Variants in SMG6 observed in about 807,000 individuals in gnomAD.
SMG6 encodes the protein SMG6 nonsense mediated mRNA decay factor, also known as telomerase-binding protein EST1A.
In SMG6, 66 loss-of-function variants were observed where a neutral mutation model predicts 142.2. That is an observed-to-expected ratio of 0.46 (90% CI 0.38 to 0.57). The LOEUF is 0.57. SMG6 is among the 20% of genes least tolerant of loss of function. The probability of loss-of-function intolerance (pLI) is 0.00; values close to 1 mark genes in which losing one functional copy is unlikely to be tolerated. For synonymous variants in SMG6, 779 were observed against 702.4 expected (o/e 1.11, Z -1.72); for missense variants, 1,793 against 1,832.0 (o/e 0.98, Z 0.39).
chr17:2,121,974 T>C (rs1467174011), intron 13 of SMG6, among the ~76,000 whole-genome samples: 1 of 152,086 alleles, frequency 6.6e-6, no homozygotes, highest in East Asian at 1.9e-4. Flanking sequence ...GCTGGGATTA[T>C]AGGTGCCCGT....
chr17:2,205,155 G>A (rs930972050), intron 10 of SMG6, among the ~76,000 whole-genome samples: 3 of 151,844 alleles, frequency 2.0e-5, no homozygotes, highest in Admixed American at 6.6e-5. Flanking sequence ...TGCAACCTCC[G>A]CGTCCCAGGA....
At chr17:2,268,715 T>G (rs1262551475) in intron 8 of SMG6, among the ~76,000 whole-genome samples, 1 of 151,450 alleles carries the variant, frequency 6.6e-6, no homozygotes, top group Non-Finnish European at 1.5e-5. Flanking sequence ...ATCGAGACCA[T>G]CCTGGCTAAT....
At chr17:2,244,219 C>T (rs1364608925) in intron 9 of SMG6, among the ~76,000 whole-genome samples, 1 of 152,054 alleles carries the variant, frequency 6.6e-6, no homozygotes, top group Non-Finnish European at 1.5e-5. Context: ...GGATATGGGT[C>T]AAAAGGATAT....
chr17:2,280,506 G>A (rs1413844418), intron 8 of SMG6: 2 of 686,418 alleles, frequency 2.9e-6, no homozygotes, highest in African/African-American at 3.9e-5. Flanking sequence ...CTTGTGATCT[G>A]CTCGCCTCGG....
intron 15 of SMG6, among the ~76,000 whole-genome samples, chr17:2,074,336 G>C (rs1157613921): frequency 2.0e-5 from 3 of 152,106 alleles, no homozygotes; most frequent in Non-Finnish European, 4.4e-5. Flanking sequence ...AGGAACAGTG[G>C]GTGAGATAAG....
At chr17:2,164,572 C>A (rs1317552717) in intron 13 of SMG6, among the ~76,000 whole-genome samples, 1 of 152,050 alleles carries the variant, frequency 6.6e-6, no homozygotes, top group Non-Finnish European at 1.5e-5. Context: ...CGCGCCACTG[C>A]ACTCCAGCCT....
chr17:2,181,979 A>G (rs995053462), intron 12 of SMG6, among the ~76,000 whole-genome samples: 1 of 152,172 alleles, frequency 6.6e-6, no homozygotes, highest in Non-Finnish European at 1.5e-5. Flanking sequence ...GGCCCGGGAT[A>G]TGGGTAAACA....
intron 13 of SMG6, chr17:2,127,290 G>T: frequency 2.5e-6 from 1 of 405,480 alleles, no homozygotes; most frequent in Admixed American, 3.8e-5. Flanking sequence ...CGTTTGGAAT[G>T]ATGAAGAGTT....
At chr17:2,129,522 G>A (rs1400750204) in intron 13 of SMG6, among the ~76,000 whole-genome samples, 1 of 152,044 alleles carries the variant, frequency 6.6e-6, no homozygotes, top group Admixed American at 6.6e-5. Context: ...GGCCAGGCAT[G>A]GTTGGTCACA....
intron 8 of SMG6, among the ~76,000 whole-genome samples, chr17:2,257,635 CT>C (rs1156489239): frequency 5.3e-5 from 8 of 152,050 alleles, no homozygotes; most frequent in Admixed American, 5.2e-4. Flanking sequence ...CCACTACCTC[CT>C]TCTGCTCCTT....
intron 3 of SMG6, 119 bp downstream of exon 3, chr17:2,297,739 CAAGAA>C (rs2075174715): frequency 9.2e-7 from 1 of 1,084,640 alleles, no homozygotes; most frequent in Non-Finnish European, 1.3e-6. Context: ...GCTCAGAACC[CAAGAA>C]AAGGGCAGTT....
At chr17:2,191,124 T>A (rs1434894602) in intron 10 of SMG6, among the ~76,000 whole-genome samples, 1 of 152,210 alleles carries the variant, frequency 6.6e-6, no homozygotes, top group African/African-American at 2.4e-5. Flanking sequence ...CCGTAGGACC[T>A]TTCAATAGGG....
intron 10 of SMG6, among the ~76,000 whole-genome samples, chr17:2,189,068 CAAAT>C (rs1157554514): frequency 4.6e-5 from 7 of 152,214 alleles, no homozygotes; most frequent in African/African-American, 1.7e-4. Context: ...ACACATGACA[CAAAT>C]AACCTACTTT....
chr17:2,272,904 TG>T (rs1170791052), intron 8 of SMG6, among the ~76,000 whole-genome samples: 1 of 151,364 alleles, frequency 6.6e-6, no homozygotes, highest in African/African-American at 2.4e-5. Context: ...CACTCCAGCA[TG>T]GGGGACAGAG....
intron 6 of SMG6, among the ~76,000 whole-genome samples, chr17:2,289,773 G>A (rs115969967): frequency 0.01 from 1,531 of 151,636 alleles, 29 homozygotes; most frequent in African/African-American, 0.034. Context: ...ATTAGCAGGG[G>A]CTGGTGGTGT....
chr17:2,226,625 G>C (rs1236676869), intron 10 of SMG6, among the ~76,000 whole-genome samples: 1 of 151,074 alleles, frequency 6.6e-6, no homozygotes, highest in East Asian at 2.0e-4. Flanking sequence ...AAGTGGGGCT[G>C]GGCTCACACC....
intron 12 of SMG6, among the ~76,000 whole-genome samples, chr17:2,180,055 T>G (rs1328489696): frequency 6.6e-6 from 1 of 152,226 alleles, no homozygotes; most frequent in Non-Finnish European, 1.5e-5. Flanking sequence ...GCTGTCCCAC[T>G]GCCCTAGCCT....
intron 2 of SMG6, among the ~76,000 whole-genome samples, chr17:2,298,682 C>T (rs1327263163): frequency 1.3e-5 from 2 of 150,178 alleles, no homozygotes; most frequent in South Asian, 2.1e-4. Flanking sequence ...CGTGCCACTG[C>T]ACTCCAGCCT....
chr17:2,152,088 G>A (rs567547605), intron 13 of SMG6, among the ~76,000 whole-genome samples: 98 of 152,330 alleles, frequency 6.4e-4, no homozygotes, highest in Admixed American at 1.2e-3. Flanking sequence ...TGTTGGAGTC[G>A]GCCTGAGCCG....
Sources: allele counts gnomAD v4.1 joint callset (sites outside exome capture counted in the v4.1 genomes callset), GRCh38; gene constraint gnomAD v4.1.1; transcripts MANE v1.5; gene names NCBI Gene and HGNC (gene_info 2026-07-23, HGNC 2026-07-21).